The following SATB2 variants were observed in gnomAD, a reference collection of about 807,000 sequenced individuals.
SATB2 encodes the protein SATB homeobox 2.
Under a neutral mutation model 73.4 loss-of-function variants are expected in SATB2, and 1 was observed. The ratio of observed to expected loss-of-function variants is 0.01; its 90% CI spans 0.00 to 0.06. The LOEUF (loss-of-function observed/expected upper bound fraction) is 0.06. Among genes scored for constraint, SATB2 ranks in the 10% least tolerant of loss-of-function variants. The pLI, the probability that SATB2 is intolerant of heterozygous loss-of-function variation, is 1.00. For missense variants in SATB2, 459 were observed against 945.8 expected, an observed-to-expected ratio of 0.49 and a Z score of 6.75; for synonymous variants, 397 against 367.0, an observed-to-expected ratio of 1.08 and a Z score of -0.93.
intron 6 of SATB2, among the ~76,000 whole-genome samples, chr2:199,366,412 T>C (rs1224685773): frequency 6.6e-6 from 1 of 152,086 alleles, no homozygotes; most frequent in African/African-American, 2.4e-5. Flanking sequence ...CCAAATAAAA[T>C]ATGCCTGCTT....
intron 3 of SATB2, among the ~76,000 whole-genome samples, chr2:199,406,509 A>G (rs1425119090): frequency 6.6e-6 from 1 of 152,210 alleles, no homozygotes; most frequent in Admixed American, 6.5e-5. Flanking sequence ...CACTGGAAAA[A>G]CAGGTTTCAA....
chr2:199,347,780 T>G (rs571612919), intron 7 of SATB2: 8 of 152,366 alleles, frequency 5.3e-5, no homozygotes, highest in Admixed American at 5.2e-4. Context: ...TTACCTGGTT[T>G]TCACCACTAG....
At chr2:199,302,452 C>T (rs1015802514) in intron 10 of SATB2, among the ~76,000 whole-genome samples, 5 of 152,140 alleles carry the variant, frequency 3.3e-5, no homozygotes, top group Non-Finnish European at 5.9e-5. Flanking sequence ...AACATAATAT[C>T]AACATGAAAA....
At chr2:199,297,811 A>G (rs914325629) in intron 10 of SATB2, among the ~76,000 whole-genome samples, 3 of 148,122 alleles carry the variant, frequency 2.0e-5, no homozygotes, top group Admixed American at 6.7e-5. Context: ...AAAAAAAAAA[A>G]CAAAGCACTA....
chr2:199,299,469 A>G (rs1204408475), intron 10 of SATB2, among the ~76,000 whole-genome samples: 1 of 152,172 alleles, frequency 6.6e-6, no homozygotes, highest in African/African-American at 2.4e-5. Context: ...AAGCAGAAAG[A>G]TGTCACCCAG....
chr2:199,297,269 T>C (rs1266625171), intron 10 of SATB2, among the ~76,000 whole-genome samples: 2 of 152,256 alleles, frequency 1.3e-5, no homozygotes, highest in South Asian at 2.1e-4. Flanking sequence ...GCAAATGTTT[T>C]ACTTTTTTGT....
At chr2:199,352,381 T>A (rs1189682409) in intron 6 of SATB2, among the ~76,000 whole-genome samples, 1 of 152,212 alleles carries the variant, frequency 6.6e-6, no homozygotes, top group Non-Finnish European at 1.5e-5. Flanking sequence ...TGTACACAAT[T>A]AAGCATAAAC....
At chr2:199,286,080 C>A (rs956457570) in intron 10 of SATB2, among the ~76,000 whole-genome samples, 7 of 151,542 alleles carry the variant, frequency 4.6e-5, no homozygotes, top group Middle Eastern at 6.9e-3. Flanking sequence ...TATATCATTT[C>A]CTCTTTGGTT....
chr2:199,302,281 G>C (rs1410617418), intron 10 of SATB2, among the ~76,000 whole-genome samples: 1 of 152,104 alleles, frequency 6.6e-6, no homozygotes, highest in African/African-American at 2.4e-5. Context: ...ATAAACCCAA[G>C]ATGAAAATAA....
At chr2:199,356,672 T>G (rs1476838238) in intron 6 of SATB2, among the ~76,000 whole-genome samples, 1 of 152,194 alleles carries the variant, frequency 6.6e-6, no homozygotes, top group African/African-American at 2.4e-5. Flanking sequence ...ACAAACCACA[T>G]GGCTACTTTT....
At chr2:199,294,771 A>C (rs2105747589) in intron 10 of SATB2, among the ~76,000 whole-genome samples, 1 of 152,378 alleles carries the variant, frequency 6.6e-6, no homozygotes, top group Non-Finnish European at 1.5e-5. Flanking sequence ...TATGCAGTAC[A>C]TGCTCACTTT....
chr2:199,427,658 A>G (rs949552103), intron 3 of SATB2, among the ~76,000 whole-genome samples: 1 of 151,658 alleles, frequency 6.6e-6, no homozygotes, highest in East Asian at 1.9e-4. Flanking sequence ...TTGGCCATGA[A>G]TTTCTAATTG....
chr2:199,307,531 A>T (rs538977404), intron 10 of SATB2, among the ~76,000 whole-genome samples: 8 of 152,256 alleles, frequency 5.3e-5, no homozygotes, highest in African/African-American at 1.7e-4. Context: ...CAACTCTGGG[A>T]TCACTGTGGA....
intron 3 of SATB2, among the ~76,000 whole-genome samples, chr2:199,395,217 C>T (rs775491738): frequency 1.9e-4 from 29 of 151,970 alleles, no homozygotes; most frequent in Non-Finnish European, 3.7e-4. Flanking sequence ...TTGGTTCAAT[C>T]GTGTTTTATC....
At chr2:199,295,183 A>G (rs556797958) in intron 10 of SATB2, among the ~76,000 whole-genome samples, 2 of 152,250 alleles carry the variant, frequency 1.3e-5, no homozygotes, top group Non-Finnish European at 2.9e-5. Context: ...AGGAAAGAGT[A>G]GGAACAACTG....
chr2:199,293,237 T>C (rs939946916), intron 10 of SATB2, among the ~76,000 whole-genome samples: 4 of 152,172 alleles, frequency 2.6e-5, no homozygotes, highest in African/African-American at 7.2e-5. Context: ...GTATTTCTCC[T>C]GTGAGTTTTT....
chr2:199,386,702 G>GTGTGCA (rs1689954540), intron 3 of SATB2, among the ~76,000 whole-genome samples: 1 of 17,086 alleles, frequency 5.9e-5, no homozygotes, highest in African/African-American at 5.4e-4. Context: ...GCAAGCGCGC[G>GTGTGCA]CGCGCGCGCG....
intron 9 of SATB2, among the ~76,000 whole-genome samples, chr2:199,320,524 G>A (rs1316480855): frequency 1.3e-5 from 2 of 152,132 alleles, no homozygotes; most frequent in Admixed American, 1.3e-4. Context: ...GACTGGCCTA[G>A]CAATCACCAA....
chr2:199,353,620 C>G (rs1688886915), intron 6 of SATB2, among the ~76,000 whole-genome samples: 1 of 152,024 alleles, frequency 6.6e-6, no homozygotes. Context: ...GAAAATTGAG[C>G]CTGAGCGTTC....
Sources: gnomAD v4.1 joint callset for allele counts (sites outside exome capture counted in the v4.1 genomes callset) on GRCh38, gnomAD v4.1.1 for gene constraint, MANE v1.5 for transcripts, NCBI Gene and HGNC (gene_info 2026-07-23, HGNC 2026-07-21) for gene names.